The following CCER1 variants were observed in gnomAD, a reference collection of about 807,000 sequenced individuals.
CCER1 encodes coiled-coil domain-containing glutamate-rich protein 1.
For synonymous variants in CCER1, 246 were observed against 213.8 expected (o/e 1.15, Z -1.31); for missense variants, 573 against 524.5 (o/e 1.09, Z -0.90).
In CCER1 at chr12:90,954,063, G is replaced by A. The variant is rs1565866369; in HGVS notation, c.680C>T (p.Pro227Leu). ...QKATVSGEAS[P>L]ARSSGNDAPP... is the part of the protein sequence containing the mutation. ...CGCGTCGTTTCCGGAGGATCTGGCT[G>A]GGGAGGCCTCGCCGCTCACCGTGGC... Residue 227 changes from proline to leucine, a missense_variant, in exon 1 of 1, where the codon CCA becomes CTA. Coordinates refer to ENST00000358859, the MANE Select transcript of CCER1 (RefSeq NM_152638.4). 13 of 1,613,984 alleles carry A rather than the reference G, an allele frequency of 8.1e-6. No homozygotes were observed. Among genetic ancestry groups the A allele is most frequent in the Non-Finnish European group, 8.5e-6 (10 of 1,180,034 alleles).
Position 90,952,690 on chromosome 12 carries a change from AT to A in CCER1, c.*831del, listed in dbSNP as rs1876506249. On this transcript the variant is annotated 3_prime_UTR_variant, in exon 1 of 1. Coordinates refer to ENST00000358859, the MANE Select transcript of CCER1 (RefSeq NM_152638.4). ...AAAAAAAAATCCATTCTGGAAAACT[AT>A]TTTTATGGCTCCTCAGAACTTAGGA... The A allele has an allele frequency of 6.6e-6, 1 of 152,556 alleles. No individual in the cohort carries two copies. The highest frequency in any genetic ancestry group is 2.4e-5 in the African/African-American group (1 of 41,428). 9.5% of individuals were successfully genotyped at this position (152,556 alleles called of 1,614,324 possible).
rs917682706 is a variant in CCER1 at position 90,953,306 on chromosome 12, C to T, written c.*216G>A. Reference sequence around the variant, plus strand: ...AGTAATAAAATACTTGGCCTTTAATCAGTTCCAGTAAAATTATATTTGAAA... The same window carrying T: ...AGTAATAAAATACTTGGCCTTTAATTAGTTCCAGTAAAATTATATTTGAAA... On this transcript the variant is annotated 3_prime_UTR_variant, in exon 1 of 1. Transcript: ENST00000358859. 1 of 444,760 alleles carries T rather than the reference C, an allele frequency of 2.2e-6. No individual in the cohort carries two copies. Among genetic ancestry groups the T allele is most frequent in the Non-Finnish European group, 3.9e-6 (1 of 258,624 alleles). 27.6% of individuals were successfully genotyped at this position (444,760 alleles called of 1,614,324 possible).
chr12:90,953,904 T>C lies in CCER1; in HGVS notation c.839A>G (p.Glu280Gly). Residue 280 changes from glutamate to glycine, a missense_variant, in exon 1 of 1, where the codon GAG becomes GGG. Coordinates refer to ENST00000358859, the MANE Select transcript of CCER1 (RefSeq NM_152638.4). ...CTCCTCATCATCATTTTTCTTCTCC[T>C]CCTCTTCTTCCACCAGCAGCGGGGC... ...SLAPLLVEEE[E>G]EKKNDDEEEY... The C allele has an allele frequency of 3.1e-6, 5 of 1,613,980 alleles. No homozygotes were observed. The highest frequency in any genetic ancestry group is 4.2e-6 in the Non-Finnish European group (5 of 1,179,876).
rs375912085 is a variant in CCER1, at chr12:90,953,902, C to T, written c.841G>A (p.Glu281Lys). 20 of 1,613,918 alleles carry T rather than the reference C, an allele frequency of 1.2e-5. No homozygotes were observed. Among genetic ancestry groups the T allele is most frequent in the African/African-American group, 9.3e-5 (7 of 75,052 alleles). ...LAPLLVEEEE[E>K]KKNDDEEEYD... ...TCCTCCTCATCATCATTTTTCTTCTCCTCCTCTTCTTCCACCAGCAGCGGG... is the reference window on the plus strand; with the variant it reads ...TCCTCCTCATCATCATTTTTCTTCTTCTCCTCTTCTTCCACCAGCAGCGGG... Residue 281 changes from glutamate to lysine, a missense_variant, in exon 1 of 1, where the codon GAG becomes AAG. Glu to Lys is a moderately conservative substitution (Grantham distance 56). Coordinates refer to ENST00000358859, the MANE Select transcript of CCER1 (RefSeq NM_152638.4).
At position 90,954,828 on chromosome 12, in the gene CCER1, G is replaced by A. The variant is rs116821338; in HGVS notation, c.-86C>T. On this transcript the variant is annotated 5_prime_UTR_variant, in exon 1 of 1. It adds an upstream start codon to the 5' untranslated region. Transcript: ENST00000358859. ...CAGGTAGGACGGTCAGAAGAGCCTC[G>A]TCTCGTCAACCTGTCTCTCCACGCA... 2 of 1,471,630 alleles carry A rather than the reference G, an allele frequency of 1.4e-6. No individual in the cohort carries two copies. Among genetic ancestry groups the A allele is most frequent in the African/African-American group, 1.4e-5 (1 of 70,640 alleles). 91.2% of individuals were successfully genotyped at this position (1,471,630 alleles called of 1,614,324 possible).
Position 90,952,830 on chromosome 12 carries a change from T to A in CCER1, c.*692A>T, listed in dbSNP as rs1473670751. 1 of 152,638 alleles carries A rather than the reference T, an allele frequency of 6.6e-6. No homozygotes were observed. The highest frequency in any genetic ancestry group is 2.4e-5 in the African/African-American group (1 of 41,448). The allele number at this position is 152,638 out of a possible 1,614,324, so 9.5% of individuals were successfully genotyped here. A position where few individuals can be genotyped will look rare whatever the true frequency, so the allele number is the denominator to read the frequency against. ...TGACTTCTGACCATGGGGAATCCTC[T>A]CCATGACTGGATTATGGATTGTTGA... On this transcript the variant is annotated 3_prime_UTR_variant, in exon 1 of 1. Coordinates refer to ENST00000358859, the MANE Select transcript of CCER1 (RefSeq NM_152638.4).
Position 90,954,970 on chromosome 12 carries a change from G to GCACACCTGGGC in CCER1, c.-229_-228insGCCCAGGTGTG. The GCACACCTGGGC allele has an allele frequency of 2.5e-6, 2 of 785,120 alleles. No homozygotes were observed. The highest frequency in any genetic ancestry group is 4.0e-6 in the Non-Finnish European group (2 of 501,464). 48.6% of individuals were successfully genotyped at this position (785,120 alleles called of 1,614,324 possible). On this transcript the variant is annotated 5_prime_UTR_variant, in exon 1 of 1. Coordinates refer to ENST00000358859, the MANE Select transcript of CCER1 (RefSeq NM_152638.4). Reference sequence around the variant, plus strand: ...CTTCGCACCTGGGTTGTCTCGCCCAGGTGTGCTGGGTGGGACTGGGGCTGG... The same window carrying GCACACCTGGGC: ...CTTCGCACCTGGGTTGTCTCGCCCAGCACACCTGGGCGTGTGCTGGGTGGGACTGGGGCTGG...
chr12:90,953,894 TTTC>T lies in CCER1; in HGVS notation c.846_848del (p.Lys283del). ...GGTCATACTCCTCCTCATCATCATTTTTCTTCTCCTCCTCTTCTTCCACCAGCA... is the reference window on the plus strand; with the variant it reads ...GGTCATACTCCTCCTCATCATCATTTTTCTCCTCCTCTTCTTCCACCAGCA... On this transcript the variant is annotated inframe_deletion, in exon 1 of 1. Coordinates refer to ENST00000358859, the MANE Select transcript of CCER1 (RefSeq NM_152638.4). The T allele has an allele frequency of 1.2e-6, 2 of 1,613,902 alleles. No homozygotes were observed. The highest frequency in any genetic ancestry group is 1.7e-6 in the Non-Finnish European group (2 of 1,179,814).
In CCER1 at chr12:90,953,739, A is replaced by G. The variant is rs764939245; in HGVS notation, c.1004T>C (p.Leu335Pro). The G allele has an allele frequency of 6.3e-7, 1 of 1,586,416 alleles. No homozygotes were observed. The highest frequency in any genetic ancestry group is 8.7e-7 in the Non-Finnish European group (1 of 1,155,522). The change falls in exon 1 of 1, where the codon CTG becomes CCG. Residue 335 changes from leucine to proline, a missense_variant. By Grantham distance (98) the Leu-to-Pro change is moderately conservative. Transcript: ENST00000358859. ...AEYVEEGEEE[L>P]EEEELEEEEE... Reference sequence around the variant, plus strand: ...TTCCTCTTCCAGCTCCTCCTCTTCCAGCTCCTCCTCTCCCTCCTCCACATA... The same window carrying G: ...TTCCTCTTCCAGCTCCTCCTCTTCCGGCTCCTCCTCTCCCTCCTCCACATA...
rs752078222 is a variant in CCER1 at position 90,954,630 on chromosome 12, C to T, written c.113G>A (p.Cys38Tyr). Residue 38 changes from cysteine to tyrosine, a missense_variant, in exon 1 of 1, where the codon TGC becomes TAC. By Grantham distance (194) the Cys-to-Tyr change is radical. Coordinates refer to ENST00000358859, the MANE Select transcript of CCER1 (RefSeq NM_152638.4). ...TGGAGCACCCGGGCGCCTTCGATGG[C>T]AGGACGACCAGGAGCTCAAGGAGGC... is the stretch of plus-strand genomic sequence containing the variant. ...HSASLSSWSS[C>Y]HRRRPGAPAY... 1 of 1,611,888 alleles carries T rather than the reference C, an allele frequency of 6.2e-7. No homozygotes were observed. The highest frequency in any genetic ancestry group is 1.1e-5 in the South Asian group (1 of 90,852).
At position 90,954,888 on chromosome 12, in the gene CCER1, T is replaced by G. The variant is rs1666623321; in HGVS notation, c.-146A>C. On this transcript the variant is annotated 5_prime_UTR_variant, in exon 1 of 1. Transcript: ENST00000358859. ...GTCTACCCCTGGGATCACGTTTTCC[T>G]CTCCAGGAGGCTGCTCTCTTCCTGG... 2.0e-5 allele frequency: 29 copies of G among 1,420,996 alleles called. No homozygotes were observed. The highest frequency in any genetic ancestry group is 2.7e-5 in the Non-Finnish European group (29 of 1,073,616). 88.0% of individuals were successfully genotyped at this position (1,420,996 alleles called of 1,614,324 possible).
Position 90,954,629 on chromosome 12 carries a change from G to T in CCER1, c.114C>A (p.Cys38Ter). The T allele has an allele frequency of 3.1e-6, 5 of 1,612,500 alleles. No homozygotes were observed. Among genetic ancestry groups the T allele is most frequent in the Non-Finnish European group, 4.2e-6 (5 of 1,179,698 alleles). The change falls in exon 1 of 1, where the codon TGC (cysteine) becomes TGA (stop). Residue 38 changes from cysteine to a stop codon, truncating the protein, a stop_gained. Coordinates refer to ENST00000358859, the MANE Select transcript of CCER1 (RefSeq NM_152638.4). LOFTEE classifies it low-confidence loss of function (END_TRUNC). ...CTGGAGCACCCGGGCGCCTTCGATG[G>T]CAGGACGACCAGGAGCTCAAGGAGG... ...HSASLSSWSS[C>*]HRRRPGAPAY...
rs1359222917 is a variant in CCER1, at chr12:90,954,187, G to C, written c.556C>G (p.Pro186Ala). ...YEWREPGMRA[P>A]PNTTQFIMNQ... ...ATGATGAATTGGGTGGTGTTGGGCGGCGCTCGCATGCCAGGCTCTCTCCAC... is the reference window on the plus strand; with the variant it reads ...ATGATGAATTGGGTGGTGTTGGGCGCCGCTCGCATGCCAGGCTCTCTCCAC... Residue 186 changes from proline to alanine, a missense_variant, in exon 1 of 1, where the codon CCG becomes GCG. Physicochemically the swap from Pro to Ala is conservative, Grantham distance 27. Transcript: ENST00000358859. The C allele has an allele frequency of 6.2e-7, 1 of 1,609,542 alleles. No individual in the cohort carries two copies. The highest frequency in any genetic ancestry group is 8.5e-7 in the Non-Finnish European group (1 of 1,179,942).
rs530683682 is a variant in CCER1, at chr12:90,953,728, C to T, written c.1015G>A (p.Glu339Lys). 3.1e-5 allele frequency: 49 copies of T among 1,600,250 alleles called. No individual in the cohort carries two copies. The South Asian group carries it at 5.3e-4, about 17-fold the overall frequency. ...AGGACCTCCTCTTCCTCTTCCAGCT[C>T]CTCCTCTTCCAGCTCCTCCTCTCCC... ...EEGEEELEEE[E>K]LEEEEEVLEE... Residue 339 changes from glutamate to lysine, a missense_variant, in exon 1 of 1, where the codon GAG becomes AAG. Physicochemically the swap from Glu to Lys is moderately conservative, Grantham distance 56. Transcript: ENST00000358859.
At position 90,954,753 on chromosome 12, in the gene CCER1, G is replaced by A. The variant is rs1190719376; in HGVS notation, c.-11C>T. Reference sequence around the variant, plus strand: ...GAGGGTCTGAGTCATGGTTCAGGGAGCTCCGAGAGGTCCAGATGGTAGCGA... The same window carrying A: ...GAGGGTCTGAGTCATGGTTCAGGGAACTCCGAGAGGTCCAGATGGTAGCGA... On this transcript the variant is annotated 5_prime_UTR_variant, in exon 1 of 1. Coordinates refer to ENST00000358859, the MANE Select transcript of CCER1 (RefSeq NM_152638.4). 5.2e-5 allele frequency: 81 copies of A among 1,543,396 alleles called. No homozygotes were observed. The highest frequency in any genetic ancestry group is 6.9e-5 in the Non-Finnish European group (79 of 1,143,836).
In CCER1 at chr12:90,954,034, G is replaced by A. The variant is rs368338011; in HGVS notation, c.709C>T (p.Pro237Ser). 15 of 1,614,162 alleles carry A rather than the reference G, an allele frequency of 9.3e-6. No homozygotes were observed. Among genetic ancestry groups the A allele is most frequent in the Admixed American group, 1.7e-5 (1 of 60,032 alleles). Residue 237 changes from proline to serine, a missense_variant, in exon 1 of 1, where the codon CCT becomes TCT. Transcript: ENST00000358859. ...CCCCAGGTTTCCTTGCTGCCGCCAG[G>A]GGGCGCGTCGTTTCCGGAGGATCTG... ...PARSSGNDAP[P>S]GGSKETWGLQ...
Position 90,954,081 on chromosome 12 carries a change from A to T in CCER1, c.662T>A (p.Val221Glu), listed in dbSNP as rs543654637. 1 of 1,613,640 alleles carries T rather than the reference A, an allele frequency of 6.2e-7. No individual in the cohort carries two copies. The highest frequency in any genetic ancestry group is 1.3e-5 in the African/African-American group (1 of 75,034). Residue 221 changes from valine (V) to glutamate (E), a missense_variant, in exon 1 of 1, where the codon GTG becomes GAG. By Grantham distance (121) the Val-to-Glu change is moderately radical. Coordinates refer to ENST00000358859, the MANE Select transcript of CCER1 (RefSeq NM_152638.4). Reference protein sequence around the residue: ...QEALRAQKATVSGEASPARSS... With the variant: ...QEALRAQKATESGEASPARSS... ...TCTGGCTGGGGAGGCCTCGCCGCTC[A>T]CCGTGGCCTTCTGCGCCCGCAGCGC...
At position 90,954,602 on chromosome 12, in the gene CCER1, C is replaced by T. The variant is rs761323171; in HGVS notation, c.141G>A (p.Ala47=). 22 of 1,613,778 alleles carry T rather than the reference C, an allele frequency of 1.4e-5. No homozygotes were observed. The highest frequency in any genetic ancestry group is 4.5e-5 in the East Asian group (2 of 44,840). ...SCHRRRPGAP[A]YNRPHRYSPK... The stretch of plus-strand genomic sequence containing the variant: ...GGCTATATCGGTGCGGTCTATTGTA[C>T]GCTGGAGCACCCGGGCGCCTTCGAT... The change falls in exon 1 of 1, where the codon GCG becomes GCA. Residue 47 remains alanine, a synonymous_variant. Transcript: ENST00000358859.
Position 90,954,624 on chromosome 12 carries a change from C to G in CCER1, c.119G>C (p.Arg40Pro). 1 of 1,613,002 alleles carries G rather than the reference C, an allele frequency of 6.2e-7. No homozygotes were observed. Among genetic ancestry groups the G allele is most frequent in the Non-Finnish European group, 8.5e-7 (1 of 1,179,810 alleles). Residue 40 changes from arginine to proline, a missense_variant, in exon 1 of 1, where the codon CGA (arginine) becomes CCA (proline). Coordinates refer to ENST00000358859, the MANE Select transcript of CCER1 (RefSeq NM_152638.4). ...GTACGCTGGAGCACCCGGGCGCCTTCGATGGCAGGACGACCAGGAGCTCAA... is the reference window on the plus strand; with the variant it reads ...GTACGCTGGAGCACCCGGGCGCCTTGGATGGCAGGACGACCAGGAGCTCAA... ...ASLSSWSSCH[R>P]RRPGAPAYNR...
Sources: gnomAD v4.1 joint callset for allele counts on GRCh38, gnomAD v4.1.1 for gene constraint, MANE v1.5 for transcripts, NCBI Gene and HGNC (gene_info 2026-07-23, HGNC 2026-07-21) for gene names.